TEKT5: variants seen among roughly 807,000 people sequenced by gnomAD.
TEKT5 encodes tektin 5, also known as tektin-5.
In TEKT5, 52 loss-of-function variants were observed where a neutral mutation model predicts 48.7. That is an observed-to-expected ratio of 1.07 (90% CI 0.86 to 1.35). The LOEUF (loss-of-function observed/expected upper bound fraction) is 1.35. Among genes scored for constraint, TEKT5 ranks in the 40% most tolerant of loss-of-function variants. The pLI is 0.00. For synonymous variants in TEKT5, 318 were observed against 267.6 expected (o/e 1.19, Z -1.84); for missense variants, 831 against 641.6 (o/e 1.30, Z -3.19).
intron 5 of TEKT5, among the ~76,000 whole-genome samples, chr16:10,646,551 T>C (rs576215059): frequency 7.9e-5 from 12 of 152,348 alleles, no homozygotes; most frequent in African/African-American, 2.6e-4. Flanking sequence ...TGAATGAGGT[T>C]GGGCCCATAA....
intron 5 of TEKT5, among the ~76,000 whole-genome samples, chr16:10,640,359 C>A (rs1420726512): frequency 6.6e-6 from 1 of 152,174 alleles, no homozygotes. Context: ...AGTGATCCTG[C>A]CGCCTCAACC....
chr16:10,663,335 A>G (rs1548956), intron 5 of TEKT5, among the ~76,000 whole-genome samples: 65,574 of 152,012 alleles, frequency 0.43, 14,899 homozygotes, highest in East Asian at 0.64. Flanking sequence ...TTGATGTGGA[A>G]GGAAAAAAAT....
intron 3 of TEKT5, among the ~76,000 whole-genome samples, chr16:10,687,056 G>C (rs1359776359): frequency 6.6e-6 from 1 of 152,184 alleles, no homozygotes; most frequent in Non-Finnish European, 1.5e-5. Context: ...AAAGCACAGA[G>C]TAGAATGGTT....
At chr16:10,670,571 G>C (rs995567225) in intron 5 of TEKT5, among the ~76,000 whole-genome samples, 4 of 152,322 alleles carry the variant, frequency 2.6e-5, no homozygotes, top group African/African-American at 7.2e-5. Context: ...CTGTTGAAAA[G>C]TGAAATGGTT....
chr16:10,674,783 C>A (rs7202417), intron 5 of TEKT5, among the ~76,000 whole-genome samples: 32,816 of 151,580 alleles, frequency 0.22, 4,308 homozygotes, highest in East Asian at 0.54. Flanking sequence ...GCCCACTAAT[C>A]CCCCCAAAGA....
chr16:10,688,018 C>T (rs954522391), intron 3 of TEKT5, among the ~76,000 whole-genome samples: 1 of 152,102 alleles, frequency 6.6e-6, no homozygotes, highest in Non-Finnish European at 1.5e-5. Context: ...TTTAAATGTG[C>T]AATAAATTAT....
chr16:10,643,974 G>A (rs572924463), intron 5 of TEKT5, among the ~76,000 whole-genome samples: 3 of 152,280 alleles, frequency 2.0e-5, no homozygotes, highest in Non-Finnish European at 4.4e-5. Context: ...CCCGGGAGGA[G>A]GAGGTTGCAG....
At chr16:10,688,754 AC>A (rs1442270562) in intron 3 of TEKT5, among the ~76,000 whole-genome samples, 1 of 152,228 alleles carries the variant, frequency 6.6e-6, no homozygotes, top group East Asian at 1.9e-4. Flanking sequence ...TCTTGTAAGA[AC>A]AAAAAGCTGA....
intron 5 of TEKT5, among the ~76,000 whole-genome samples, chr16:10,641,505 C>T (rs1897994352): frequency 6.6e-6 from 1 of 152,102 alleles, no homozygotes; most frequent in Non-Finnish European, 1.5e-5. Context: ...CAGACCCTAC[C>T]ATGTTTGGAG....
At chr16:10,681,952 T>C (rs927212045) in intron 4 of TEKT5, 41 bp downstream of exon 4, 10 of 1,603,254 alleles carry the variant, frequency 6.2e-6, no homozygotes, top group Non-Finnish European at 8.5e-6. Flanking sequence ...CTCACTCCAG[T>C]TGGACACGCC....
chr16:10,682,018 G>T lies in TEKT5; in HGVS notation c.838C>A (p.His280Asn). Reference protein sequence around the residue: ...RNTSDCISFFHGMEKIDGTIS... With the variant: ...RNTSDCISFFNGMEKIDGTIS... Reference sequence around the variant, plus strand: ...GTGCCGTCAATTTTCTCCATGCCGTGGAAGAAGCTGATGCAGTCTGACGTA... The same window carrying T: ...GTGCCGTCAATTTTCTCCATGCCGTTGAAGAAGCTGATGCAGTCTGACGTA... The change falls in exon 4 of 7, where the codon CAC (histidine) becomes AAC (asparagine). Residue 280 changes from histidine to asparagine, a missense_variant. Physicochemically the swap from His to Asn is moderately conservative, Grantham distance 68 (BLOSUM62 1). Transcript: ENST00000283025. The T allele has an allele frequency of 6.2e-7, 1 of 1,614,116 alleles. No individual in the cohort carries two copies. Among genetic ancestry groups the T allele is most frequent in the South Asian group, 1.1e-5 (1 of 91,064 alleles).
intron 5 of TEKT5, among the ~76,000 whole-genome samples, chr16:10,662,342 G>A (rs1377626035): frequency 3.3e-5 from 5 of 152,224 alleles, no homozygotes; most frequent in Non-Finnish European, 7.3e-5. Flanking sequence ...CTGGGTGGAG[G>A]TGGGGGAAGT....
chr16:10,649,721 C>T lies in TEKT5; in HGVS notation c.1087-13803G>A, dbSNP rs532648301. On this transcript the variant is annotated intron_variant, in intron 5 of 6. Coordinates refer to ENST00000283025, the MANE Select transcript of TEKT5 (RefSeq NM_144674.2). ...AAAGTGCCGGGATTACAAGTATGAGCCACTGCACTCGGCCTATTTTTTGAA... is the reference window on the plus strand; with the variant it reads ...AAAGTGCCGGGATTACAAGTATGAGTCACTGCACTCGGCCTATTTTTTGAA... Among the ~76,000 whole-genome samples the T allele has an allele frequency of 7.2e-5, 11 of 152,310 alleles. No individual in the cohort carries two copies. In the South Asian group the frequency reaches 2.3e-3, roughly 32 times the overall value.
chr16:10,657,743 C>T (rs1385204012), intron 5 of TEKT5, among the ~76,000 whole-genome samples: 1 of 150,682 alleles, frequency 6.6e-6, no homozygotes, highest in East Asian at 1.9e-4. Context: ...GCGCCCACCA[C>T]TACGCCAAGC....
chr16:10,679,579 G>A (rs1012555815), intron 4 of TEKT5, among the ~76,000 whole-genome samples: 3 of 151,858 alleles, frequency 2.0e-5, no homozygotes, highest in South Asian at 2.1e-4. Flanking sequence ...TGTTTCATCC[G>A]CCCAGACATA....
Position 10,676,154 on chromosome 16 carries a change from C to T in TEKT5, c.891G>A (p.Lys297=), listed in dbSNP as rs182610437. The T allele has an allele frequency of 1.7e-5, 28 of 1,614,228 alleles. No individual in the cohort carries two copies. The Admixed American group carries it at 2.5e-4, about 14-fold the overall frequency. Residue 297 remains lysine (K), a synonymous_variant, in exon 5 of 7, where the codon AAG becomes AAA. Coordinates refer to ENST00000283025, the MANE Select transcript of TEKT5 (RefSeq NM_144674.2). ...GTISVPETWA[K]FSNDNIKHSQ... ...AGTGTTTGATGTTGTCGTTACTGAA[C>T]TTGGCCCAGGTCTCAGGTACGGAGA...
At chr16:10,662,927 G>A (rs752804166) in intron 5 of TEKT5, among the ~76,000 whole-genome samples, 1 of 152,212 alleles carries the variant, frequency 6.6e-6, no homozygotes, top group Non-Finnish European at 1.5e-5. Context: ...CTTTGTTACA[G>A]TAAGTTATCA....
chr16:10,644,650 C>A (rs1423605250), intron 5 of TEKT5, among the ~76,000 whole-genome samples: 1 of 152,204 alleles, frequency 6.6e-6, no homozygotes. Context: ...CAGGAAATGG[C>A]TTCCTGACTA....
At chr16:10,677,139 C>T (rs922202537) in intron 4 of TEKT5, among the ~76,000 whole-genome samples, 4 of 152,168 alleles carry the variant, frequency 2.6e-5, no homozygotes, top group African/African-American at 9.7e-5. Flanking sequence ...TGCAGTGAGC[C>T]ATGATCGCAC....
Sources: allele counts gnomAD v4.1 joint callset (sites outside exome capture counted in the v4.1 genomes callset), GRCh38; gene constraint gnomAD v4.1.1; transcripts MANE v1.5; gene names NCBI Gene and HGNC (gene_info 2026-07-23, HGNC 2026-07-21).